Variants in OSBP2 observed in about 807,000 individuals in gnomAD.
The protein encoded by OSBP2 is oxysterol binding protein 2.
OSBP2 carries 66 observed loss-of-function variants against 96.0 expected under a neutral mutation model. The ratio of observed to expected loss-of-function variants is 0.69; its 90% CI spans 0.56 to 0.84. The LOEUF is 0.84. OSBP2 is among the 40% of genes least tolerant of loss of function. OSBP2 has a pLI of 0.00. For synonymous variants in OSBP2, 525 were observed against 520.9 expected, an observed-to-expected ratio of 1.01 and a Z score of -0.11; for missense variants, 1,038 against 1,222.7, an observed-to-expected ratio of 0.85 and a Z score of 2.25.
intron 1 of OSBP2, among the ~76,000 whole-genome samples, chr22:30,735,147 G>A (rs1189640562): frequency 6.6e-6 from 1 of 152,124 alleles, no homozygotes. Context: ...AGCTATGATT[G>A]CACCATTGCA....
intron 2 of OSBP2, among the ~76,000 whole-genome samples, chr22:30,864,759 T>A (rs147333515): frequency 3.3e-5 from 5 of 152,226 alleles, no homozygotes; most frequent in Admixed American, 6.5e-5. Flanking sequence ...GTGGGTGCAG[T>A]GAGCGGGGTG....
In OSBP2 at chr22:30,698,915, A is replaced by T. The variant is rs541711845; in HGVS notation, c.644+3362A>T. Among the ~76,000 whole-genome samples, 25 of 151,966 alleles carry T rather than the reference A, an allele frequency of 1.6e-4. 1 individual carries two copies. The South Asian group carries it at 5.2e-3, about 32-fold the overall frequency. On this transcript the variant is annotated intron_variant, in intron 1 of 13. Transcript: ENST00000332585. ...ATTTAATTTTATCTCATCTAGGTGT[A>T]ATATTTAAAAGTCCATATTTTTTAT...
At chr22:30,721,053 C>T (rs573071780) in intron 1 of OSBP2, among the ~76,000 whole-genome samples, 8 of 152,126 alleles carry the variant, frequency 5.3e-5, no homozygotes, top group Admixed American at 6.6e-5. Flanking sequence ...GGTGAAACCC[C>T]GTCTCTACTA....
At chr22:30,757,435 T>A (rs1393042816) in intron 2 of OSBP2, among the ~76,000 whole-genome samples, 4 of 152,062 alleles carry the variant, frequency 2.6e-5, no homozygotes, top group African/African-American at 9.7e-5. Flanking sequence ...TTTTCTTTTT[T>A]TTTTGAGACA....
intron 2 of OSBP2, among the ~76,000 whole-genome samples, chr22:30,830,580 T>TAAC (rs1425179034): frequency 2.8e-4 from 43 of 152,242 alleles, no homozygotes; most frequent in Non-Finnish European, 5.3e-4. Context: ...GACTCTTAGT[T>TAAC]CATTAACCAT....
intron 2 of OSBP2, among the ~76,000 whole-genome samples, chr22:30,765,949 G>T (rs62235899): frequency 2.6e-5 from 4 of 152,198 alleles, no homozygotes; most frequent in African/African-American, 9.7e-5. Context: ...AAAACTGATA[G>T]TGGAGCCAGG....
intron 2 of OSBP2, among the ~76,000 whole-genome samples, chr22:30,820,736 G>A (rs1450026731): frequency 6.6e-6 from 1 of 152,168 alleles, no homozygotes; most frequent in African/African-American, 2.4e-5. Context: ...ACACTCTATC[G>A]CTAGGACCAT....
At chr22:30,738,017 T>G (rs145780201) in intron 1 of OSBP2, among the ~76,000 whole-genome samples, 1 of 151,564 alleles carries the variant, frequency 6.6e-6, no homozygotes. Context: ...CGGCTGAGAC[T>G]CTAAATCCTT....
chr22:30,724,378 C>T (rs1023176548), intron 1 of OSBP2, among the ~76,000 whole-genome samples: 5 of 152,188 alleles, frequency 3.3e-5, no homozygotes, highest in South Asian at 4.2e-4. Flanking sequence ...CCACCACACC[C>T]GGCTAGTTTA....
chr22:30,703,418 C>T (rs1162944713), intron 1 of OSBP2, among the ~76,000 whole-genome samples: 1 of 151,942 alleles, frequency 6.6e-6, no homozygotes, highest in Admixed American at 6.6e-5. Flanking sequence ...AAGTGATCCA[C>T]TCTCCTCAGC....
chr22:30,754,507 G>A (rs2090117306), intron 2 of OSBP2, among the ~76,000 whole-genome samples: 1 of 152,166 alleles, frequency 6.6e-6, no homozygotes, highest in Non-Finnish European at 1.5e-5. Context: ...GGGCAGCACA[G>A]GTATGCTGGC....
At chr22:30,884,817 C>T (rs1406039720) in intron 3 of OSBP2, among the ~76,000 whole-genome samples, 1 of 152,204 alleles carries the variant, frequency 6.6e-6, no homozygotes, top group Non-Finnish European at 1.5e-5. Flanking sequence ...TCAGTCCCAC[C>T]CCCCGGTAGG....
At chr22:30,841,048 C>A (rs2038742790) in intron 2 of OSBP2, among the ~76,000 whole-genome samples, 1 of 151,926 alleles carries the variant, frequency 6.6e-6, no homozygotes, top group Admixed American at 6.6e-5. Flanking sequence ...ACCTGTAACC[C>A]CAGCTACTTG....
At chr22:30,697,748 T>C (rs1011634333) in intron 1 of OSBP2, among the ~76,000 whole-genome samples, 2 of 152,266 alleles carry the variant, frequency 1.3e-5, no homozygotes, top group African/African-American at 4.8e-5. Context: ...TTTTCGGACT[T>C]TTCGAGATTC....
At chr22:30,854,909 A>C (rs923223056) in intron 2 of OSBP2, among the ~76,000 whole-genome samples, 4 of 152,210 alleles carry the variant, frequency 2.6e-5, no homozygotes, top group Admixed American at 6.5e-5. Flanking sequence ...TCGTGGTGGA[A>C]GGGGAAGCAA....
chr22:30,841,854 T>C (rs77056456), intron 2 of OSBP2, among the ~76,000 whole-genome samples: 1 of 151,946 alleles, frequency 6.6e-6, no homozygotes, highest in Non-Finnish European at 1.5e-5. Context: ...CAAAAAAAAA[T>C]AGCTGAGAGT....
chr22:30,880,789 TG>T (rs1281688191), intron 3 of OSBP2, among the ~76,000 whole-genome samples: 1 of 152,228 alleles, frequency 6.6e-6, no homozygotes, highest in Non-Finnish European at 1.5e-5. Flanking sequence ...CTCCTCTTCC[TG>T]GGGTGCATCT....
chr22:30,755,199 C>A (rs2090125925), intron 2 of OSBP2, among the ~76,000 whole-genome samples: 1 of 152,194 alleles, frequency 6.6e-6, no homozygotes, highest in Admixed American at 6.5e-5. Flanking sequence ...ATGCTTTACA[C>A]CCACTGGGCA....
At chr22:30,905,731 G>A in intron 12 of OSBP2, 106 bp from the exon 13 acceptor site, 2 of 1,405,900 alleles carry the variant, frequency 1.4e-6, no homozygotes, top group Non-Finnish European at 1.8e-6. Context: ...GGAGCTGGAG[G>A]GTGAGGCGAC....
Sources: allele counts gnomAD v4.1 joint callset (sites outside exome capture counted in the v4.1 genomes callset), GRCh38; gene constraint gnomAD v4.1.1; transcripts MANE v1.5; gene names NCBI Gene and HGNC (gene_info 2026-07-23, HGNC 2026-07-21).